EML5: variants seen among roughly 807,000 people sequenced by gnomAD.
EML5 encodes the protein EMAP like 5.
A neutral mutation model predicts 250.0 loss-of-function variants in EML5; 120 were observed. That is an observed-to-expected ratio of 0.48 (90% confidence interval 0.41 to 0.56). EML5 has a LOEUF of 0.56. Among genes scored for constraint, EML5 ranks in the 20% least tolerant of loss-of-function variants. The pLI is 0.00. For missense variants in EML5, 2,006 were observed against 2,437.6 expected (o/e 0.82, Z 3.73); for synonymous variants, 771 against 806.5 (o/e 0.96, Z 0.75).
intron 1 of EML5, among the ~76,000 whole-genome samples, chr14:88,759,859 T>C (rs2094214687): frequency 6.6e-6 from 1 of 152,118 alleles, no homozygotes; most frequent in Non-Finnish European, 1.5e-5. Context: ...AGTTGTACCA[T>C]GTTACACTCT....
intron 8 of EML5, among the ~76,000 whole-genome samples, chr14:88,717,663 G>GA (rs950866307): frequency 6.8e-4 from 103 of 152,312 alleles, no homozygotes; most frequent in African/African-American, 2.4e-3. Flanking sequence ...GCTGAGGCAG[G>GA]AAAATCACTT....
intron 7 of EML5, among the ~76,000 whole-genome samples, chr14:88,730,838 A>C (rs989774463): frequency 1.3e-5 from 2 of 152,238 alleles, no homozygotes; most frequent in Non-Finnish European, 1.5e-5. Context: ...ATGTATAGAA[A>C]AAATGGCTTA....
At chr14:88,666,950 G>A (rs958098046) in intron 21 of EML5, among the ~76,000 whole-genome samples, 9 of 152,136 alleles carry the variant, frequency 5.9e-5, no homozygotes, top group African/African-American at 2.2e-4. Flanking sequence ...TGATGACCTG[G>A]AGCTGGGTGG....
At chr14:88,716,319 C>T (rs959972398) in intron 8 of EML5, among the ~76,000 whole-genome samples, 2 of 152,054 alleles carry the variant, frequency 1.3e-5, no homozygotes, top group African/African-American at 2.4e-5. Context: ...TAAAGTTTCC[C>T]TGGTCAACAT....
At chr14:88,710,320 T>C (rs1280285314) in intron 10 of EML5, among the ~76,000 whole-genome samples, 1 of 152,244 alleles carries the variant, frequency 6.6e-6, no homozygotes, top group Non-Finnish European at 1.5e-5. Flanking sequence ...TTTGTTTCAA[T>C]TACAATGATT....
intron 32 of EML5, among the ~76,000 whole-genome samples, chr14:88,636,023 ACT>A (rs924722181): frequency 2.0e-5 from 3 of 152,028 alleles, no homozygotes; most frequent in African/African-American, 7.3e-5. Context: ...TAAGCTACAA[ACT>A]CTGTGGTATC....
chr14:88,653,385 G>A (rs1345979980), intron 27 of EML5, among the ~76,000 whole-genome samples: 1 of 152,122 alleles, frequency 6.6e-6, no homozygotes, highest in Non-Finnish European at 1.5e-5. Flanking sequence ...GTTTTCAAAG[G>A]GAATGCTCCC....
intron 1 of EML5, among the ~76,000 whole-genome samples, chr14:88,791,584 A>G (rs2094608723): frequency 6.6e-6 from 1 of 152,234 alleles, no homozygotes; most frequent in African/African-American, 2.4e-5. Flanking sequence ...AAGACTAAAA[A>G]TAGCCCCCCA....
At chr14:88,624,352 G>C (rs1402644886) in intron 36 of EML5, 2 of 152,542 alleles carry the variant, frequency 1.3e-5, no homozygotes, top group Non-Finnish European at 2.9e-5. Flanking sequence ...TAAGATTACA[G>C]GTGTGAGCCA....
intron 19 of EML5, among the ~76,000 whole-genome samples, chr14:88,686,860 T>C (rs1281586684): frequency 6.6e-6 from 1 of 152,134 alleles, no homozygotes; most frequent in Non-Finnish European, 1.5e-5. Context: ...CCTGTGAGGC[T>C]ACAGAAACAG....
rs569331608 is a variant in EML5, at chr14:88,787,424, G to A, written c.197+4883C>T. On this transcript the variant is annotated intron_variant, in intron 1 of 43. Coordinates refer to ENST00000554922, the MANE Select transcript of EML5 (RefSeq NM_183387.3). Reference sequence around the variant, plus strand: ...AGCTTCTAATAATTCATTATTCCACGTTTTCCTTAATGTATATCCAAAACA... The same window carrying A: ...AGCTTCTAATAATTCATTATTCCACATTTTCCTTAATGTATATCCAAAACA... Among the ~76,000 whole-genome samples, 13 of 152,074 alleles carry A rather than the reference G, an allele frequency of 8.5e-5. 1 individual carries two copies. The highest frequency in any genetic ancestry group is 2.1e-4 in the South Asian group (1 of 4,814).
At chr14:88,651,468 G>C (rs1040540742) in intron 27 of EML5, among the ~76,000 whole-genome samples, 1 of 151,852 alleles carries the variant, frequency 6.6e-6, no homozygotes, top group Non-Finnish European at 1.5e-5. Flanking sequence ...TTACATTTAA[G>C]TGTTTTACCG....
intron 2 of EML5, among the ~76,000 whole-genome samples, chr14:88,748,383 T>A (rs2094039715): frequency 6.6e-6 from 1 of 152,142 alleles, no homozygotes; most frequent in Non-Finnish European, 1.5e-5. Context: ...TGGGCAGTCA[T>A]TAGGAATCCT....
chr14:88,715,342 A>G (rs2093474524), intron 8 of EML5, 147 bp from the exon 9 acceptor site: 2 of 786,572 alleles, frequency 2.5e-6, no homozygotes, highest in African/African-American at 1.7e-5. Flanking sequence ...GTATTAATTC[A>G]GCAACAATAC....
rs2090647960 is a variant in EML5, at chr14:88,635,092, CATT to C, written c.4337-606_4337-604del. Among the ~76,000 whole-genome samples, 5 of 152,248 alleles carry C rather than the reference CATT, an allele frequency of 3.3e-5. No homozygotes were observed. The South Asian group carries it at 1.0e-3, about 32-fold the overall frequency. ...GAAAGAAAATGTGAAAGCTCATGCTCATTATATTTGTGGTAGAAATACCTAATA... is the reference window on the plus strand; with the variant it reads ...GAAAGAAAATGTGAAAGCTCATGCTCATATTTGTGGTAGAAATACCTAATA... On this transcript the variant is annotated intron_variant, in intron 32 of 43. Coordinates refer to ENST00000554922, the MANE Select transcript of EML5 (RefSeq NM_183387.3).
At chr14:88,764,970 C>G (rs993567687) in intron 1 of EML5, among the ~76,000 whole-genome samples, 22 of 152,284 alleles carry the variant, frequency 1.4e-4, no homozygotes, top group African/African-American at 5.1e-4. Flanking sequence ...GATGTGCATT[C>G]TGCCATGACT....
At position 88,714,871 on chromosome 14, in the gene EML5, C is replaced by G. The variant is rs542226983; in HGVS notation, c.1444+68G>C. 3.4e-6 allele frequency: 5 copies of G among 1,456,218 alleles called. No individual in the cohort carries two copies. The African/African-American group carries it at 7.1e-5, about 21-fold the overall frequency. 90.2% of individuals were successfully genotyped at this position (1,456,218 alleles called of 1,614,324 possible). A position where few individuals can be genotyped will look rare whatever the true frequency, so the allele number is the denominator to read the frequency against. ...CCTATGATCAAATGTAACTTACACT[C>G]TGCTTCCAGTAAAACTCTAAAATAT... On this transcript the variant is annotated intron_variant, in intron 9 of 43. Transcript: ENST00000554922.
intron 1 of EML5, among the ~76,000 whole-genome samples, chr14:88,762,308 C>T (rs190995680): frequency 6.6e-6 from 1 of 151,948 alleles, no homozygotes; most frequent in Non-Finnish European, 1.5e-5. Context: ...GTCGGGAGTT[C>T]GAGACTAGCC....
At chr14:88,623,564 G>A (rs2089442213) in intron 36 of EML5, 1 of 151,670 alleles carries the variant, frequency 6.6e-6, no homozygotes, top group African/African-American at 2.4e-5. Context: ...GGGATTACAG[G>A]CACCATGCCT....
Sources: allele counts gnomAD v4.1 joint callset (sites outside exome capture counted in the v4.1 genomes callset), GRCh38; gene constraint gnomAD v4.1.1; transcripts MANE v1.5; gene names NCBI Gene and HGNC (gene_info 2026-07-23, HGNC 2026-07-21).